LDB1: variants seen among roughly 807,000 people sequenced by gnomAD.
The protein encoded by LDB1 is LIM domain-binding protein 1.
A neutral mutation model predicts 49.7 loss-of-function variants in LDB1; 6 were observed. That is an observed-to-expected ratio of 0.12 (90% CI 0.07 to 0.24). The LOEUF is 0.24. Among genes scored for constraint, LDB1 ranks in the 10% least tolerant of loss-of-function variants. The pLI, the probability that LDB1 is intolerant of heterozygous loss-of-function variation, is 1.00. For missense variants in LDB1, 341 were observed against 561.7 expected (o/e 0.61, Z 3.97); for synonymous variants, 233 against 202.0 (o/e 1.15, Z -1.30).
intron 1 of LDB1, among the ~76,000 whole-genome samples, chr10:102,116,856 C>T (rs965609933): frequency 1.3e-5 from 2 of 152,170 alleles, no homozygotes; most frequent in Non-Finnish European, 1.5e-5. Flanking sequence ...TACAGCTTAA[C>T]TCTGGGGTAG....
At chr10:102,116,983 CACTGAG>C (rs1416511409) in intron 1 of LDB1, among the ~76,000 whole-genome samples, 3 of 150,712 alleles carry the variant, frequency 2.0e-5, no homozygotes, top group Non-Finnish European at 4.4e-5. Flanking sequence ...TAACAGAACC[CACTGAG>C]ACAGGATGAC....
chr10:102,111,244 G>A lies in LDB1; in HGVS notation c.173+12C>T. On this transcript the variant is annotated intron_variant, in intron 3 of 10. Coordinates refer to ENST00000673968, the MANE Select transcript of LDB1 (RefSeq NM_001113407.3). ...GTGGAAAGCACCTTCTTCCCCACTG[G>A]ACTCCACTTACCCAATCCCTGGCTC... The A allele has an allele frequency of 6.2e-7, 1 of 1,614,094 alleles. No individual in the cohort carries two copies. Among genetic ancestry groups the A allele is most frequent in the Non-Finnish European group, 8.5e-7 (1 of 1,179,956 alleles).
At chr10:102,104,442 C>T (rs1053099708), downstream of LDB1, among the ~76,000 whole-genome samples, 4 of 152,108 alleles carry the variant, frequency 2.6e-5, no homozygotes, top group South Asian at 8.3e-4. Flanking sequence ...AGCTCTTCAG[C>T]AATGTGCTAA....
At chr10:102,120,445 C>CCGCCCTCGCGCTCGCG (rs1281802467), upstream of LDB1, 2 of 968,470 alleles carry the variant, frequency 2.1e-6, no homozygotes, top group African/African-American at 3.5e-5. Context: ...GCCCCCCTCT[C>CCGCCCTCGCGCTCGCG]CGCCCTCGCG....
Position 102,111,055 on chromosome 10 carries a change from T to C in LDB1, c.249+14A>G. ...TGGCCCTCCTGCTCCCAGCCCCTTT[T>C]CCCTTGGCCATACCTCTGTCCAGTT... On this transcript the variant is annotated intron_variant, in intron 4 of 10. Coordinates refer to ENST00000673968, the MANE Select transcript of LDB1 (RefSeq NM_001113407.3). 1 of 1,613,912 alleles carries C rather than the reference T, an allele frequency of 6.2e-7. No individual in the cohort carries two copies. Among genetic ancestry groups the C allele is most frequent in the Non-Finnish European group, 8.5e-7 (1 of 1,179,810 alleles).
intron 1 of LDB1, chr10:102,114,837 G>A (rs1171949090): frequency 3.0e-5 from 3 of 98,766 alleles, no homozygotes; most frequent in East Asian, 4.1e-4. Context: ...CCAGGCCACC[G>A]GGCCCCTCTG....
downstream of LDB1, among the ~76,000 whole-genome samples, chr10:102,102,290 CCAAGGTT>C (rs1231994549): frequency 6.6e-6 from 1 of 152,160 alleles, no homozygotes; most frequent in Admixed American, 6.5e-5. Flanking sequence ...GTGTCATGAA[CCAAGGTT>C]ATGATTAATC....
intron 3 of LDB1, 48 bp from the exon 4 acceptor site, chr10:102,111,192 T>C (rs956020435): frequency 1.2e-6 from 2 of 1,611,290 alleles, no homozygotes; most frequent in African/African-American, 1.3e-5. Flanking sequence ...GCCTGCCCCC[T>C]CCACCCCCTA....
rs144145554 is a variant in LDB1 at position 102,106,684 on chromosome 10, G to A, written c.*1409C>T. 0.017 allele frequency among the ~76,000 whole-genome samples: 2,594 copies of A among 151,672 alleles called. 50 individuals are homozygous for A. The highest frequency in any genetic ancestry group is 0.026 in the Non-Finnish European group (1,736 of 67,908). ...GTGGCAGCTGGAGTGGAGGAAATACGGTGTGGGGGACCCCAGAATCCAGAG... is the reference window on the plus strand; with the variant it reads ...GTGGCAGCTGGAGTGGAGGAAATACAGTGTGGGGGACCCCAGAATCCAGAG... On this transcript the variant is annotated 3_prime_UTR_variant, in exon 11 of 11. Transcript: ENST00000673968.
chr10:102,114,740 C>T lies in LDB1; in HGVS notation c.26-3204G>A, dbSNP rs1025485564. ...GTTTCCCTCAACAATGGCTGCTCCG[C>T]TCTTTCCTCTCTCCTCCTCCTCCTT... On this transcript the variant is annotated intron_variant, in intron 1 of 10. Transcript: ENST00000673968. The T allele has an allele frequency of 1.0e-4, 85 of 823,476 alleles. 1 individual carries two copies. In the Middle Eastern group the frequency reaches 1.8e-3, roughly 18 times the overall value. 51.0% of individuals were successfully genotyped at this position (823,476 alleles called of 1,614,324 possible).
chr10:102,112,424 G>A (rs146904472), intron 1 of LDB1, among the ~76,000 whole-genome samples: 2 of 152,252 alleles, frequency 1.3e-5, no homozygotes, highest in East Asian at 1.9e-4. Context: ...AGACCAAAGT[G>A]GGGGAGGAAA....
rs749436702 is a variant in LDB1, at chr10:102,109,047, G to A, written c.987C>T (p.Ala329=). The A allele has an allele frequency of 1.9e-6, 3 of 1,614,114 alleles. No homozygotes were observed. The highest frequency in any genetic ancestry group is 2.5e-6 in the Non-Finnish European group (3 of 1,180,046). The change falls in exon 10 of 11, where the codon GCC becomes GCT. Residue 329 remains alanine, a synonymous_variant. Coordinates refer to ENST00000673968, the MANE Select transcript of LDB1 (RefSeq NM_001113407.3). This position sits in a 1 kb window ranked among gnomAD's most constrained non-coding sequence, Gnocchi z 5.8. Reference sequence around the variant, plus strand: ...TGCTTACAGGTACCTGGCTGGAGAGGGCGAAGGTGCTAGCTGGGCTCTTCT... The same window carrying A: ...TGCTTACAGGTACCTGGCTGGAGAGAGCGAAGGTGCTAGCTGGGCTCTTCT... ...SKKKSPASTF[A]LSSQVPDVMV... is the part of the protein sequence containing the mutation.
chr10:102,120,168 G>A lies in LDB1; in HGVS notation c.-58C>T, dbSNP rs1365378874. 3.3e-6 allele frequency: 4 copies of A among 1,220,502 alleles called. No homozygotes were observed. Among genetic ancestry groups the A allele is most frequent in the Middle Eastern group, 2.4e-4 (1 of 4,114 alleles). The allele number at this position is 1,220,502 out of a possible 1,614,324, so 75.6% of individuals were successfully genotyped here. ...AGTCACGGTGCCCGCCCCTCGCGGG[G>A]ACAGGCCGGGCATGAGCCGCCGCCG... On this transcript the variant is annotated 5_prime_UTR_variant, in exon 1 of 11. Coordinates refer to ENST00000673968, the MANE Select transcript of LDB1 (RefSeq NM_001113407.3).
Position 102,120,326 on chromosome 10 carries a change from GC to G in LDB1, c.-217del, listed in dbSNP as rs2068401545. 1.0e-6 allele frequency: 1 copy of G among 984,644 alleles called. No individual in the cohort carries two copies. Among genetic ancestry groups the G allele is most frequent in the Admixed American group, 6.2e-5 (1 of 16,168 alleles). The allele number at this position is 984,644 out of a possible 1,614,324, so 61.0% of individuals were successfully genotyped here. Reference sequence around the variant, plus strand: ...AGGAAGCCAGGCAGGAAGGCGAGCGGCCTCTGCGTGTGTGCGCGCGGGTGTG... The same window carrying G: ...AGGAAGCCAGGCAGGAAGGCGAGCGGCTCTGCGTGTGTGCGCGCGGGTGTG... On this transcript the variant is annotated 5_prime_UTR_variant, in exon 1 of 11. Transcript: ENST00000673968.
At chr10:102,113,653 T>C (rs1419014994) in intron 1 of LDB1, among the ~76,000 whole-genome samples, 1 of 151,398 alleles carries the variant, frequency 6.6e-6, no homozygotes, top group African/African-American at 2.4e-5. Context: ...CTTTCTCCCA[T>C]AGCTTAACCA....
chr10:102,112,248 G>C (rs987881735), intron 1 of LDB1, among the ~76,000 whole-genome samples: 63 of 152,170 alleles, frequency 4.1e-4, no homozygotes, highest in African/African-American at 1.4e-3. Flanking sequence ...TGAGGTAGCA[G>C]GGCTGACCAT....
Position 102,111,273 on chromosome 10 carries a change from G to A in LDB1, c.156C>T (p.Tyr52=), listed in dbSNP as rs746194906. The A allele has an allele frequency of 5.6e-6, 9 of 1,614,150 alleles. No homozygotes were observed. The South Asian group carries it at 8.8e-5, about 16-fold the overall frequency. The change falls in exon 3 of 11, where the codon TAC becomes TAT. Residue 52 remains tyrosine, a synonymous_variant. Coordinates refer to ENST00000673968, the MANE Select transcript of LDB1 (RefSeq NM_001113407.3). The part of the protein sequence containing the change: ...VGPTPMYPPT[Y]LEPGIGRHTP... ...CCACTTACCCAATCCCTGGCTCCAG[G>A]TATGTAGGCGGATACATGGGAGTTG...
chr10:102,114,812 G>T, intron 1 of LDB1: 1 of 929,818 alleles, frequency 1.1e-6, no homozygotes, highest in Non-Finnish European at 1.3e-6. Flanking sequence ...CCTCCGAGCA[G>T]CCCGCCCGCC....
intron 6 of LDB1, chr10:102,110,310 G>A (rs527521508): frequency 3.8e-5 from 24 of 626,414 alleles, no homozygotes; most frequent in South Asian, 3.0e-4. Context: ...GCTATATGAG[G>A]GCAGACTCTT....
Sources: allele counts gnomAD v4.1 joint callset (sites outside exome capture counted in the v4.1 genomes callset), GRCh38; gene constraint gnomAD v4.1.1; non-coding constraint Gnocchi (gnomAD v3.1); transcripts MANE v1.5; gene names NCBI Gene and HGNC (gene_info 2026-07-23, HGNC 2026-07-21).